Variants in DLGAP1 observed in about 807,000 individuals in gnomAD.
DLGAP1 encodes the protein DLG associated protein 1.
A neutral mutation model predicts 90.8 loss-of-function variants in DLGAP1; 11 were observed. That is an observed-to-expected ratio of 0.12 (90% CI 0.08 to 0.20). The LOEUF (loss-of-function observed/expected upper bound fraction) is 0.20, where lower values mean the gene tolerates loss of function less well. DLGAP1 is among the 10% of genes least tolerant of loss of function. DLGAP1 has a pLI of 1.00. For missense variants in DLGAP1, 1,050 were observed against 1,333.8 expected (o/e 0.79, Z 3.31); for synonymous variants, 558 against 540.7 (o/e 1.03, Z -0.44).
At chr18:4,179,838 T>C (rs1258487147) in intron 1 of DLGAP1, among the ~76,000 whole-genome samples, 1 of 152,208 alleles carries the variant, frequency 6.6e-6, no homozygotes, top group Non-Finnish European at 1.5e-5. Flanking sequence ...CCATTAAATC[T>C]CGGCTGCGTC....
intron 5 of DLGAP1, among the ~76,000 whole-genome samples, chr18:3,780,930 C>T (rs2065160792): frequency 6.6e-6 from 1 of 152,120 alleles, no homozygotes; most frequent in African/African-American, 2.4e-5. Flanking sequence ...TCACTTCAGT[C>T]TCCCAAGTAG....
intron 2 of DLGAP1, among the ~76,000 whole-genome samples, chr18:4,118,284 G>A (rs920710867): frequency 6.6e-6 from 1 of 152,014 alleles, no homozygotes; most frequent in Non-Finnish European, 1.5e-5. Context: ...GCCTCTTCCT[G>A]AGCAGCACTT....
intron 1 of DLGAP1, among the ~76,000 whole-genome samples, chr18:4,417,119 A>T (rs1381636813): frequency 6.6e-6 from 1 of 151,492 alleles, no homozygotes; most frequent in Admixed American, 6.6e-5. Flanking sequence ...TCCATTTTTC[A>T]CTCTCCCTCA....
intron 1 of DLGAP1, among the ~76,000 whole-genome samples, chr18:4,178,368 T>G (rs988025304): frequency 6.7e-5 from 10 of 148,518 alleles, no homozygotes; most frequent in East Asian, 5.8e-4. Context: ...CCACTATATA[T>G]TTTTTTTTAT....
At chr18:4,210,140 T>C (rs1228281970) in intron 1 of DLGAP1, among the ~76,000 whole-genome samples, 1 of 152,190 alleles carries the variant, frequency 6.6e-6, no homozygotes, top group Non-Finnish European at 1.5e-5. Flanking sequence ...ACGTCCTCTC[T>C]CATGAATTGT....
chr18:3,651,064 C>CA (rs1204372991), intron 7 of DLGAP1, among the ~76,000 whole-genome samples: 4 of 122,154 alleles, frequency 3.3e-5, no homozygotes, highest in African/African-American at 1.3e-4. Flanking sequence ...GACTCTGTCT[C>CA]AAAAAAACAA....
intron 1 of DLGAP1, among the ~76,000 whole-genome samples, chr18:4,413,497 C>A (rs1344636936): frequency 6.6e-6 from 1 of 152,196 alleles, no homozygotes; most frequent in East Asian, 1.9e-4. Flanking sequence ...CTCCTTCTGA[C>A]AGAACCTCCC....
chr18:4,244,496 T>C (rs558377396), intron 1 of DLGAP1, among the ~76,000 whole-genome samples: 2 of 152,280 alleles, frequency 1.3e-5, no homozygotes, highest in South Asian at 4.2e-4. Context: ...GGTATATCTT[T>C]TGGAGTAAAT....
At chr18:3,646,727 A>G (rs916620606) in intron 7 of DLGAP1, among the ~76,000 whole-genome samples, 7 of 151,938 alleles carry the variant, frequency 4.6e-5, no homozygotes, top group African/African-American at 1.5e-4. Context: ...GATTGAGACC[A>G]TCCTGGCTAA....
chr18:3,936,863 A>G (rs2072653512), intron 3 of DLGAP1, among the ~76,000 whole-genome samples: 1 of 152,194 alleles, frequency 6.6e-6, no homozygotes. Context: ...GAGAAGCTCT[A>G]ATCAGGAGGT....
chr18:4,197,648 A>C (rs573386744), intron 1 of DLGAP1, among the ~76,000 whole-genome samples: 1 of 152,316 alleles, frequency 6.6e-6, no homozygotes, highest in African/African-American at 2.4e-5. Flanking sequence ...GGGATACAAA[A>C]GAGAGTAGGG....
chr18:4,381,893 G>A (rs1247590609), intron 1 of DLGAP1, among the ~76,000 whole-genome samples: 2 of 152,120 alleles, frequency 1.3e-5, no homozygotes, highest in African/African-American at 4.8e-5. Flanking sequence ...GGCTGGGGAG[G>A]CCTCACAATT....
At chr18:4,333,895 C>T (rs566563765) in intron 1 of DLGAP1, among the ~76,000 whole-genome samples, 17 of 151,184 alleles carry the variant, frequency 1.1e-4, no homozygotes, top group Admixed American at 2.0e-4. Context: ...CCACCGCGCC[C>T]GGCCATATTT....
Position 3,660,139 on chromosome 18 carries a change from A to C in DLGAP1, c.1591+68996T>G, listed in dbSNP as rs1057180440. On this transcript the variant is annotated intron_variant, in intron 7 of 12. Transcript: ENST00000315677. This position sits in a 1 kb window ranked among gnomAD's most constrained non-coding sequence, Gnocchi z 4.2. ...AGCAGGCCAGAAATAACTCTATCCC[A>C]TTGCTCTTATTTATTTATTTGTTTA... Among the ~76,000 whole-genome samples, 1 of 151,838 alleles carries C rather than the reference A, an allele frequency of 6.6e-6. No homozygotes were observed. The highest frequency in any genetic ancestry group is 2.4e-5 in the African/African-American group (1 of 41,336).
intron 4 of DLGAP1, among the ~76,000 whole-genome samples, chr18:3,862,419 G>A (rs1324537521): frequency 6.6e-6 from 1 of 152,216 alleles, no homozygotes; most frequent in Non-Finnish European, 1.5e-5. Flanking sequence ...TCACAGATGA[G>A]GATTACTGTC....
chr18:3,518,654 A>G (rs1476766190), intron 10 of DLGAP1, among the ~76,000 whole-genome samples: 1 of 152,186 alleles, frequency 6.6e-6, no homozygotes, highest in African/African-American at 2.4e-5. Context: ...CCAGCTATTG[A>G]TCTTGGGAAA....
At chr18:3,965,005 A>T (rs2073292560) in intron 3 of DLGAP1, among the ~76,000 whole-genome samples, 4 of 152,186 alleles carry the variant, frequency 2.6e-5, no homozygotes, top group African/African-American at 7.2e-5. Flanking sequence ...GAATACAAAG[A>T]CATTTCAAAT....
intron 1 of DLGAP1, among the ~76,000 whole-genome samples, chr18:4,212,432 G>A (rs1228546608): frequency 1.3e-5 from 2 of 151,906 alleles, no homozygotes; most frequent in African/African-American, 4.8e-5. Flanking sequence ...TTGGGAGGCT[G>A]AGGTGGGTGG....
In DLGAP1 at chr18:4,266,620, T is replaced by C. The variant is rs142736305; in HGVS notation, c.-266-115333A>G. On this transcript the variant is annotated intron_variant, in intron 1 of 12. Coordinates refer to ENST00000315677, the MANE Select transcript of DLGAP1 (RefSeq NM_004746.4). Reference sequence around the variant, plus strand: ...AATAATTATTTCAATTGCTCTTTCATACTTCCAGCAAATTTCTATCTAAAG... The same window carrying C: ...AATAATTATTTCAATTGCTCTTTCACACTTCCAGCAAATTTCTATCTAAAG... Among the ~76,000 whole-genome samples, 320 of 152,348 alleles carry C rather than the reference T, an allele frequency of 2.1e-3. 1 individual carries two copies. Among genetic ancestry groups the C allele is most frequent in the African/African-American group, 7.4e-3 (306 of 41,584 alleles).
Sources: allele counts gnomAD v4.1 joint callset (sites outside exome capture counted in the v4.1 genomes callset), GRCh38; gene constraint gnomAD v4.1.1; non-coding constraint Gnocchi (gnomAD v3.1); transcripts MANE v1.5; gene names NCBI Gene and HGNC (gene_info 2026-07-23, HGNC 2026-07-21).